Variants in SMARCA5 observed in about 807,000 individuals in gnomAD.
SMARCA5 encodes the protein SWI/SNF-related matrix-associated actin-dependent regulator of chromatin subfamily A member 5.
SMARCA5 carries 18 observed loss-of-function variants against 140.4 expected under a neutral mutation model. The observed-to-expected ratio is 0.13, with a 90% CI of 0.09 to 0.19. The LOEUF is 0.19. Among genes scored for constraint, SMARCA5 ranks in the 10% least tolerant of loss-of-function variants. The probability of loss-of-function intolerance (pLI) is 1.00; values close to 1 mark genes in which losing one functional copy is unlikely to be tolerated. For missense variants in SMARCA5, 606 were observed against 1,276.8 expected, an observed-to-expected ratio of 0.47 and a Z score of 8.01; for synonymous variants, 449 against 419.6, an observed-to-expected ratio of 1.07 and a Z score of -0.86.
rs1330212170 is a variant in SMARCA5 at position 143,517,384 on chromosome 4, G to A, written c.207G>A (p.Lys69=). ...EEIFDDASPG[K]QKEIQEPDPT... ...TATTTGATGATGCGTCACCTGGAAA[G>A]CAAAAGGAAATCCAAGAACCAGATC... Residue 69 remains lysine, a synonymous_variant, in exon 2 of 24, where the codon AAG becomes AAA. Transcript: ENST00000283131. 13 of 1,610,024 alleles carry A rather than the reference G, an allele frequency of 8.1e-6. No homozygotes were observed. Among genetic ancestry groups the A allele is most frequent in the Middle Eastern group, 1.6e-4 (1 of 6,072 alleles).
Position 143,526,481 on chromosome 4 carries a change from T to A in SMARCA5, c.801+21T>A, listed in dbSNP as rs1248647249. ...AAAGAGTAAGTTTCTAGTATTTCAT[T>A]ACATTTTTGAGGCTAAAATAATTTG... On this transcript the variant is annotated intron_variant, in intron 6 of 23. Coordinates refer to ENST00000283131, the MANE Select transcript of SMARCA5 (RefSeq NM_003601.4). 8 of 1,532,448 alleles carry A rather than the reference T, an allele frequency of 5.2e-6. No individual in the cohort carries two copies. The Admixed American group carries it at 1.5e-4, about 28-fold the overall frequency. 94.9% of individuals were successfully genotyped at this position (1,532,448 alleles called of 1,614,324 possible). A position where few individuals can be genotyped will look rare whatever the true frequency, so the allele number is the denominator to read the frequency against.
Position 143,513,851 on chromosome 4 carries a change from C to G in SMARCA5, c.-74C>G. On this transcript the variant is annotated 5_prime_UTR_variant, in exon 1 of 24. Transcript: ENST00000283131. Reference sequence around the variant, plus strand: ...CACCAGTTTATTGCGACGTAGCATCCAGGCCTAGGCCTCCCCGTCCATCCC... The same window carrying G: ...CACCAGTTTATTGCGACGTAGCATCGAGGCCTAGGCCTCCCCGTCCATCCC... 6.8e-7 allele frequency: 1 copy of G among 1,473,852 alleles called. No individual in the cohort carries two copies. Among genetic ancestry groups the G allele is most frequent in the South Asian group, 1.3e-5 (1 of 79,510 alleles). The allele number at this position is 1,473,852 out of a possible 1,614,324, so 91.3% of individuals were successfully genotyped here. A position where few individuals can be genotyped will look rare whatever the true frequency, so the allele number is the denominator to read the frequency against.
intron 3 of SMARCA5, among the ~76,000 whole-genome samples, chr4:143,521,865 T>G (rs1424794734): frequency 8.7e-6 from 1 of 114,794 alleles, no homozygotes; most frequent in Non-Finnish European, 1.6e-5. Flanking sequence ...GAGAGCAGCC[T>G]GGGCAACGTA....
chr4:143,528,788 G>T, intron 8 of SMARCA5, 74 bp downstream of exon 8: 1 of 1,398,900 alleles, frequency 7.1e-7, no homozygotes, highest in Non-Finnish European at 9.7e-7. Flanking sequence ...AATAAAAGTG[G>T]CCTGCCTTTT....
intron 6 of SMARCA5, among the ~76,000 whole-genome samples, chr4:143,527,529 CCTTT>C (rs1205132408): frequency 3.3e-5 from 5 of 152,192 alleles, no homozygotes; most frequent in African/African-American, 9.7e-5. Flanking sequence ...CCACCCTCTT[CCTTT>C]CTTTATGTTA....
At chr4:143,521,291 A>G (rs1296886866) in intron 2 of SMARCA5, 138 bp from the exon 3 acceptor site, 1 of 588,008 alleles carries the variant, frequency 1.7e-6, no homozygotes, top group African/African-American at 1.9e-5. Context: ...GTGCTTTTGA[A>G]ACTCATCCAT....
chr4:143,536,416 A>G lies in SMARCA5; in HGVS notation c.1269-36A>G, dbSNP rs755523954. On this transcript the variant is annotated intron_variant, in intron 10 of 23. Coordinates refer to ENST00000283131, the MANE Select transcript of SMARCA5 (RefSeq NM_003601.4). Reference sequence around the variant, plus strand: ...AAGTGGCAGGGATTGATCAAGGAACATTTGAGCTCTAAAAATGTTTTTCTT... The same window carrying G: ...AAGTGGCAGGGATTGATCAAGGAACGTTTGAGCTCTAAAAATGTTTTTCTT... The G allele has an allele frequency of 4.2e-6, 6 of 1,426,578 alleles. No homozygotes were observed. The South Asian group carries it at 5.8e-5, about 14-fold the overall frequency. The allele number at this position is 1,426,578 out of a possible 1,614,324, so 88.4% of individuals were successfully genotyped here. A position where few individuals can be genotyped will look rare whatever the true frequency, so the allele number is the denominator to read the frequency against.
rs1487854001 is a variant in SMARCA5, at chr4:143,556,771, C to T, written c.*3587C>T. 1 of 152,118 alleles carries T rather than the reference C, an allele frequency of 6.6e-6. No individual in the cohort carries two copies. The highest frequency in any genetic ancestry group is 2.4e-5 in the African/African-American group (1 of 41,416). The allele number at this position is 152,118 out of a possible 1,614,324, so 9.4% of individuals were successfully genotyped here. A position where few individuals can be genotyped will look rare whatever the true frequency, so the allele number is the denominator to read the frequency against. On this transcript the variant is annotated 3_prime_UTR_variant, in exon 24 of 24. Transcript: ENST00000283131. Reference sequence around the variant, plus strand: ...GAGCAGTGCTGCAGAATTAACTTCGCTGTGTACATCCCAGAATCGTTTTGG... The same window carrying T: ...GAGCAGTGCTGCAGAATTAACTTCGTTGTGTACATCCCAGAATCGTTTTGG...
At position 143,513,805 on chromosome 4, in the gene SMARCA5, C is replaced by T; in HGVS notation, c.-120C>T. 3 of 1,188,700 alleles carry T rather than the reference C, an allele frequency of 2.5e-6. No homozygotes were observed. Among genetic ancestry groups the T allele is most frequent in the Non-Finnish European group, 3.5e-6 (3 of 863,128 alleles). The allele number at this position is 1,188,700 out of a possible 1,614,324, so 73.6% of individuals were successfully genotyped here. On this transcript the variant is annotated 5_prime_UTR_variant, in exon 1 of 24. Transcript: ENST00000283131. ...CGGAGGCGCGGCGCAGGGGAGCGCT[C>T]GGGTGGGAGTCTCGCTCCTCCACCA...
chr4:143,530,376 G>T, intron 8 of SMARCA5, 82 bp from the exon 9 acceptor site: 1 of 847,426 alleles, frequency 1.2e-6, no homozygotes. Context: ...ACTAATTCTA[G>T]AAATCATTTC....
At chr4:143,531,645 C>T (rs543701035) in intron 9 of SMARCA5, among the ~76,000 whole-genome samples, 2 of 152,240 alleles carry the variant, frequency 1.3e-5, no homozygotes, top group Admixed American at 6.5e-5. Context: ...TGCAGATGTC[C>T]CCTGGGGAAC....
At chr4:143,544,070 CAGT>C (rs1198804094) in intron 16 of SMARCA5, 98 bp downstream of exon 16, 18 of 889,086 alleles carry the variant, frequency 2.0e-5, no homozygotes, top group Middle Eastern at 3.9e-4. Context: ...TTGCTTAAAA[CAGT>C]AGTCATTTTT....
rs1000163694 is a variant in SMARCA5, at chr4:143,529,697, G to A, written c.1090-761G>A. 7.9e-5 allele frequency among the ~76,000 whole-genome samples: 12 copies of A among 152,228 alleles called. No individual in the cohort carries two copies. In the South Asian group the frequency reaches 2.5e-3, roughly 32 times the overall value. The stretch of plus-strand genomic sequence containing the variant: ...ATTGGAGGGATTTGAAGAGCTCCAT[G>A]TTAGTATATTTTTGTACAATTAAGT... On this transcript the variant is annotated intron_variant, in intron 8 of 23. Transcript: ENST00000283131.
chr4:143,533,915 A>G (rs1737250269), intron 9 of SMARCA5, among the ~76,000 whole-genome samples: 1 of 152,204 alleles, frequency 6.6e-6, no homozygotes, highest in South Asian at 2.1e-4. Flanking sequence ...ATACTCAAAC[A>G]TATACAGGCA....
intron 3 of SMARCA5, among the ~76,000 whole-genome samples, chr4:143,522,191 G>A (rs1288155668): frequency 6.6e-6 from 1 of 152,068 alleles, no homozygotes; most frequent in Non-Finnish European, 1.5e-5. Context: ...CTTACATCAC[G>A]GCAGCCTGTT....
chr4:143,548,956 C>G (rs550810276), intron 22 of SMARCA5, among the ~76,000 whole-genome samples: 32 of 151,940 alleles, frequency 2.1e-4, no homozygotes, highest in South Asian at 6.2e-4. Context: ...TTGTGATACC[C>G]AAGTTTGGGA....
rs547843086 is a variant in SMARCA5 at position 143,528,855 on chromosome 4, G to T, written c.1089+141G>T. On this transcript the variant is annotated intron_variant, in intron 8 of 23. Transcript: ENST00000283131. ...TGCTTTTATTTACATAGTTAGCCTG[G>T]TGTTATCTCCTAGGTTGTCTCTGTA... The T allele has an allele frequency of 1.7e-3, 1,074 of 628,642 alleles. 2 individuals are homozygous for T. The highest frequency in any genetic ancestry group is 2.3e-3 in the Non-Finnish European group (899 of 393,712). 38.9% of individuals were successfully genotyped at this position (628,642 alleles called of 1,614,324 possible). A position where few individuals can be genotyped will look rare whatever the true frequency, so the allele number is the denominator to read the frequency against.
chr4:143,553,442 T>G lies in SMARCA5; in HGVS notation c.*258T>G, dbSNP rs1737684919. 5 of 339,194 alleles carry G rather than the reference T, an allele frequency of 1.5e-5. No individual in the cohort carries two copies. The South Asian group carries it at 3.1e-4, about 21-fold the overall frequency. 21.0% of individuals were successfully genotyped at this position (339,194 alleles called of 1,614,324 possible). A position where few individuals can be genotyped will look rare whatever the true frequency, so the allele number is the denominator to read the frequency against. ...AAGTGTTTCATTTGATTTATTTTTCTATTGTAGTTCCATTTGTGAAGATTG... is the reference window on the plus strand; with the variant it reads ...AAGTGTTTCATTTGATTTATTTTTCGATTGTAGTTCCATTTGTGAAGATTG... On this transcript the variant is annotated 3_prime_UTR_variant, in exon 24 of 24. Transcript: ENST00000283131.
At chr4:143,538,440 A>G (rs1336848012) in intron 11 of SMARCA5, 150 bp from the exon 12 acceptor site, 7 of 631,030 alleles carry the variant, frequency 1.1e-5, no homozygotes. Flanking sequence ...GAAATGACTG[A>G]CTTGGATAAT....
Sources: gnomAD v4.1 joint callset for allele counts (sites outside exome capture counted in the v4.1 genomes callset) on GRCh38, gnomAD v4.1.1 for gene constraint, MANE v1.5 for transcripts, NCBI Gene and HGNC (gene_info 2026-07-23, HGNC 2026-07-21) for gene names.